Variants in RPH3AL observed in about 807,000 individuals in gnomAD.
RPH3AL encodes the protein rab effector Noc2.
Under a neutral mutation model 43.1 loss-of-function variants are expected in RPH3AL, and 38 were observed. The observed-to-expected ratio is 0.88, with a 90% CI of 0.68 to 1.15. The LOEUF is 1.15. Among genes scored for constraint, RPH3AL ranks in the 50% most tolerant of loss-of-function variants. The pLI, the probability that RPH3AL is intolerant of heterozygous loss-of-function variation, is 0.00. For missense variants in RPH3AL, 462 were observed against 423.2 expected, an observed-to-expected ratio of 1.09 and a Z score of -0.81; for synonymous variants, 189 against 176.3, an observed-to-expected ratio of 1.07 and a Z score of -0.57.
At chr17:326,649 G>C (rs1374715704) in intron 3 of RPH3AL, among the ~76,000 whole-genome samples, 1 of 152,220 alleles carries the variant, frequency 6.6e-6, no homozygotes, top group Non-Finnish European at 1.5e-5. Context: ...GGGAGACCAA[G>C]GCGGGTGGAT....
At chr17:282,381 G>A (rs989423300) in intron 5 of RPH3AL, among the ~76,000 whole-genome samples, 2 of 152,244 alleles carry the variant, frequency 1.3e-5, no homozygotes, top group Non-Finnish European at 2.9e-5. Context: ...CCACGTTATA[G>A]GTGAGGAACC....
At chr17:242,591 ACCTTCCTCTATTGATTAC>A (rs2041581920) in intron 7 of RPH3AL, among the ~76,000 whole-genome samples, 35 of 124,932 alleles carry the variant, frequency 2.8e-4, no homozygotes, top group East Asian at 1.5e-3. Context: ...TCTATTGACT[ACCTTCCTCTATTGATTAC>A]CCTTCCTCTA....
At chr17:265,753 T>C (rs532115687) in intron 6 of RPH3AL, among the ~76,000 whole-genome samples, 2 of 152,362 alleles carry the variant, frequency 1.3e-5, no homozygotes, top group African/African-American at 4.8e-5. Flanking sequence ...TTACTAAGCA[T>C]CTCGTGTACA....
At chr17:319,109 A>C (rs1436876581) in intron 5 of RPH3AL, among the ~76,000 whole-genome samples, 1 of 152,212 alleles carries the variant, frequency 6.6e-6, no homozygotes, top group Non-Finnish European at 1.5e-5. Context: ...TGAGATATTA[A>C]ACAAGTTTTC....
rs2042268768 is a variant in RPH3AL at position 264,286 on chromosome 17, G to A, written c.439-17001C>T. ...ATTACCCTTCGGAGCCGCGAGCGCTGGATGGGGACTCAGAATCCGCAGCAC... is the reference window on the plus strand; with the variant it reads ...ATTACCCTTCGGAGCCGCGAGCGCTAGATGGGGACTCAGAATCCGCAGCAC... On this transcript the variant is annotated intron_variant, in intron 6 of 9. Coordinates refer to ENST00000331302, the MANE Select transcript of RPH3AL (RefSeq NM_006987.4). The surrounding 1 kb of genome is among the most constrained non-coding windows in gnomAD (Gnocchi z 4.8). Among the ~76,000 whole-genome samples, 1 of 150,880 alleles carries A rather than the reference G, an allele frequency of 6.6e-6. No homozygotes were observed. The highest frequency in any genetic ancestry group is 1.5e-5 in the Non-Finnish European group (1 of 67,916).
At chr17:325,765 G>A (rs940520548) in intron 3 of RPH3AL, among the ~76,000 whole-genome samples, 1 of 152,208 alleles carries the variant, frequency 6.6e-6, no homozygotes, top group African/African-American at 2.4e-5. Context: ...CTGGCACATA[G>A]TAGGGGTTTA....
rs567028954 is a variant in RPH3AL, at chr17:253,391, TG to T, written c.439-6107del. Among the ~76,000 whole-genome samples, 60 of 152,294 alleles carry T rather than the reference TG, an allele frequency of 3.9e-4. No homozygotes were observed. The South Asian group carries it at 0.012, about 30-fold the overall frequency. On this transcript the variant is annotated intron_variant, in intron 6 of 9. Transcript: ENST00000331302. Reference sequence around the variant, plus strand: ...CACAGAGCTGCATTCCCGCACACTGTGGGGCCGAGAACCTCATCTGTGCCAG... The same window carrying T: ...CACAGAGCTGCATTCCCGCACACTGTGGGCCGAGAACCTCATCTGTGCCAG...
chr17:226,886 C>T (rs1038090970), intron 7 of RPH3AL, among the ~76,000 whole-genome samples: 1 of 152,234 alleles, frequency 6.6e-6, no homozygotes, highest in Admixed American at 6.5e-5. Flanking sequence ...AAGGCTGATA[C>T]ATTTTTTTTC....
rs928514923 is a variant in RPH3AL, at chr17:219,662, C to A, written c.688G>T (p.Val230Phe). The change falls in exon 8 of 10, where the codon GTC (valine) becomes TTC (phenylalanine). Residue 230 changes from valine (V) to phenylalanine (F), a missense_variant. Transcript: ENST00000331302. The stretch of plus-strand genomic sequence containing the variant: ...GGTTTGTCGCCTTTCCGGTCCCTGA[C>A]CCCAGTGGATGGGAGTCTGTCCTCT... ...SLEDRLPSTG[V>F]RDRKGDKPWK... is the part of the protein sequence containing the mutation. 4.3e-6 allele frequency: 7 copies of A among 1,613,408 alleles called. No homozygotes were observed. The African/African-American group carries it at 5.3e-5, about 12-fold the overall frequency.
chr17:268,938 C>G (rs1010655907), intron 6 of RPH3AL, among the ~76,000 whole-genome samples: 43 of 151,950 alleles, frequency 2.8e-4, no homozygotes, highest in South Asian at 4.2e-4. Flanking sequence ...GAGTGCAGTG[C>G]CGCGATCTCG....
chr17:337,106 C>T (rs375403867), intron 1 of RPH3AL, among the ~76,000 whole-genome samples: 30 of 136,114 alleles, frequency 2.2e-4, no homozygotes, highest in African/African-American at 4.6e-4. Context: ...CTACGTACAT[C>T]GGTTACGCAC....
At chr17:231,790 A>C (rs1023205843) in intron 7 of RPH3AL, among the ~76,000 whole-genome samples, 7 of 152,208 alleles carry the variant, frequency 4.6e-5, no homozygotes, top group Non-Finnish European at 4.4e-5. Context: ...GCTGGAATTG[A>C]CCAATCAGCC....
intron 1 of RPH3AL, among the ~76,000 whole-genome samples, chr17:336,649 G>A (rs758093859): frequency 1.9e-4 from 29 of 152,278 alleles, no homozygotes; most frequent in Admixed American, 1.0e-3. Context: ...AGGTCAGGCC[G>A]TGTGATTCCC....
intron 6 of RPH3AL, among the ~76,000 whole-genome samples, chr17:272,258 T>C (rs1349691847): frequency 6.6e-6 from 1 of 152,166 alleles, no homozygotes; most frequent in Admixed American, 6.5e-5. Context: ...TTACTGGGTA[T>C]ATACCCAAAG....
chr17:281,951 C>T (rs781549307), intron 5 of RPH3AL, 97 bp from the exon 6 acceptor site: 26 of 878,798 alleles, frequency 3.0e-5, no homozygotes, highest in Non-Finnish European at 4.8e-5. Context: ...TTAGCATCTT[C>T]CAAGGAGCGT....
At chr17:320,447 G>A (rs1028923359) in intron 4 of RPH3AL, among the ~76,000 whole-genome samples, 8 of 151,932 alleles carry the variant, frequency 5.3e-5, no homozygotes, top group East Asian at 1.9e-4. Flanking sequence ...AGCAGCCTGG[G>A]TAACATAGTG....
chr17:323,375 T>C lies in RPH3AL; in HGVS notation c.78-1960A>G, dbSNP rs918113102. 1.3e-5 allele frequency among the ~76,000 whole-genome samples: 2 copies of C among 152,100 alleles called. No individual in the cohort carries two copies. Among genetic ancestry groups the C allele is most frequent in the African/African-American group, 4.8e-5 (2 of 41,396 alleles). On this transcript the variant is annotated intron_variant, in intron 3 of 9. Coordinates refer to ENST00000331302, the MANE Select transcript of RPH3AL (RefSeq NM_006987.4). The surrounding 1 kb of genome is among the most constrained non-coding windows in gnomAD (Gnocchi z 4.4). Reference sequence around the variant, plus strand: ...AGGGCTGGAAGGGGGGCAAGGCCAGTAGAGTGGGCAGCCTCTGCCTGGACT... The same window carrying C: ...AGGGCTGGAAGGGGGGCAAGGCCAGCAGAGTGGGCAGCCTCTGCCTGGACT...
intron 7 of RPH3AL, among the ~76,000 whole-genome samples, chr17:229,175 C>T (rs549328922): frequency 5.8e-4 from 88 of 152,276 alleles, no homozygotes; most frequent in African/African-American, 2.0e-3. Flanking sequence ...GCAGGGAAGA[C>T]GCAACCTCCC....
At chr17:270,952 A>G (rs577592397) in intron 6 of RPH3AL, among the ~76,000 whole-genome samples, 1 of 152,294 alleles carries the variant, frequency 6.6e-6, no homozygotes, top group Non-Finnish European at 1.5e-5. Context: ...TAATTTTTGT[A>G]TAAGGTGTAA....
Sources: gnomAD v4.1 joint callset for allele counts (sites outside exome capture counted in the v4.1 genomes callset) on GRCh38, gnomAD v4.1.1 for gene constraint, Gnocchi (gnomAD v3.1) non-coding constraint, MANE v1.5 for transcripts, NCBI Gene and HGNC (gene_info 2026-07-23, HGNC 2026-07-21) for gene names.